EVC2: variants seen among roughly 807,000 people sequenced by gnomAD.
EVC2 encodes limbin.
In EVC2, 148 loss-of-function variants were observed where a neutral mutation model predicts 149.3. The observed-to-expected ratio is 0.99, with a 90% CI of 0.87 to 1.14. The LOEUF is 1.14. EVC2 is among the 50% of genes most tolerant of loss of function. The pLI is 0.00. For synonymous variants in EVC2, 776 were observed against 649.9 expected (o/e 1.19, Z -2.95); for missense variants, 1,854 against 1,627.3 (o/e 1.14, Z -2.40).
chr4:5,694,850 C>CA (rs1721368274), intron 2 of EVC2, among the ~76,000 whole-genome samples: 2 of 152,312 alleles, frequency 1.3e-5, no homozygotes, highest in South Asian at 4.2e-4. Context: ...TCTGCCCCTC[C>CA]AGCTGTGAGT....
intron 10 of EVC2, among the ~76,000 whole-genome samples, chr4:5,634,174 T>C (rs1716741888): frequency 6.6e-6 from 1 of 152,210 alleles, no homozygotes; most frequent in Non-Finnish European, 1.5e-5. Flanking sequence ...GCCCACCAAA[T>C]AACAATTCAG....
intron 16 of EVC2, among the ~76,000 whole-genome samples, chr4:5,593,767 C>T (rs1257526945): frequency 6.6e-6 from 1 of 152,160 alleles, no homozygotes; most frequent in Non-Finnish European, 1.5e-5. Context: ...CAGGGAGAGG[C>T]ATTGCCTCAC....
intron 3 of EVC2, among the ~76,000 whole-genome samples, chr4:5,692,481 G>A (rs182367488): frequency 1.1e-4 from 17 of 152,314 alleles, no homozygotes; most frequent in East Asian, 9.6e-4. Flanking sequence ...CAGGAAGCTC[G>A]AGACTCTCCC....
Position 5,576,905 on chromosome 4 carries a change from C to T in EVC2, c.3058-451G>A, listed in dbSNP as rs1231863646. 1.3e-5 allele frequency among the ~76,000 whole-genome samples: 2 copies of T among 152,212 alleles called. No homozygotes were observed. The highest frequency in any genetic ancestry group is 2.1e-4 in the South Asian group (1 of 4,836). On this transcript the variant is annotated intron_variant, in intron 17 of 21. Coordinates refer to ENST00000344408, the MANE Select transcript of EVC2 (RefSeq NM_147127.5). The surrounding 1 kb of genome is among the most constrained non-coding windows in gnomAD (Gnocchi z 4.5). ...CAGTGTGAGCTCTTTGAGGGCAGGG[C>T]TGTGTCTCCTTCTCCCTGCCTGCAA...
chr4:5,670,965 C>G lies in EVC2; in HGVS notation c.871-5316G>C, dbSNP rs1023911087. On this transcript the variant is annotated intron_variant, in intron 7 of 21. Coordinates refer to ENST00000344408, the MANE Select transcript of EVC2 (RefSeq NM_147127.5). This position sits in a 1 kb window ranked among gnomAD's most constrained non-coding sequence, Gnocchi z 5.2. ...TCACCATCACCATCATCTTCACGCCCACCACCATCAACACCATCATGACAC... is the reference window on the plus strand; with the variant it reads ...TCACCATCACCATCATCTTCACGCCGACCACCATCAACACCATCATGACAC... Among the ~76,000 whole-genome samples, 1 of 152,110 alleles carries G rather than the reference C, an allele frequency of 6.6e-6. No homozygotes were observed. Among genetic ancestry groups the G allele is most frequent in the Non-Finnish European group, 1.5e-5 (1 of 68,024 alleles).
Position 5,648,119 on chromosome 4 carries a change from T to C in EVC2, c.1146-7281A>G, listed in dbSNP as rs56700108. On this transcript the variant is annotated intron_variant, in intron 9 of 21. Coordinates refer to ENST00000344408, the MANE Select transcript of EVC2 (RefSeq NM_147127.5). Reference sequence around the variant, plus strand: ...ATGTGCAAAGATCTAATCAGGTTAATTGGGATAGCCATCACCTTAAATATT... The same window carrying C: ...ATGTGCAAAGATCTAATCAGGTTAACTGGGATAGCCATCACCTTAAATATT... 7.0e-3 allele frequency among the ~76,000 whole-genome samples: 1,064 copies of C among 152,348 alleles called. 6 individuals carry two copies. The highest frequency in any genetic ancestry group is 0.024 in the African/African-American group (1,014 of 41,590).
At chr4:5,602,909 C>T (rs1303465256) in intron 16 of EVC2, among the ~76,000 whole-genome samples, 1 of 152,102 alleles carries the variant, frequency 6.6e-6, no homozygotes, top group African/African-American at 2.4e-5. Flanking sequence ...CACCAAAAGA[C>T]CAAGCTAAAC....
rs575723160 is a variant in EVC2 at position 5,631,957 on chromosome 4, A to T, written c.1546T>A (p.Leu516Met). ...TTGGCAAAGTCTTCTTCTTGTTGCA[A>T]AGCGAGAGACTTCCTCAAGTGCTCC... ...EQEHLRKSLA[L>M]QQEEDFAKAH... The change falls in exon 11 of 22, where the codon TTG (leucine) becomes ATG (methionine). Residue 516 changes from leucine (L) to methionine (M), a missense_variant. By Grantham distance (15) the Leu-to-Met change is conservative. Transcript: ENST00000344408. The T allele has an allele frequency of 1.2e-6, 2 of 1,614,194 alleles. No individual in the cohort carries two copies. The highest frequency in any genetic ancestry group is 2.2e-5 in the East Asian group (1 of 44,878).
intron 1 of EVC2, among the ~76,000 whole-genome samples, chr4:5,702,228 T>C (rs2151744099): frequency 6.6e-6 from 1 of 152,216 alleles, no homozygotes; most frequent in South Asian, 2.1e-4. Flanking sequence ...ATCCTGTCCA[T>C]ATCATGAGTG....
chr4:5,595,126 C>T (rs1713259578), intron 16 of EVC2, among the ~76,000 whole-genome samples: 1 of 152,144 alleles, frequency 6.6e-6, no homozygotes, highest in Non-Finnish European at 1.5e-5. Flanking sequence ...AGAATGGAAA[C>T]AAGTTGGAAA....
intron 7 of EVC2, among the ~76,000 whole-genome samples, chr4:5,668,965 G>C (rs1220850823): frequency 6.6e-6 from 1 of 152,192 alleles, no homozygotes; most frequent in East Asian, 1.9e-4. Flanking sequence ...TAAATCCAAT[G>C]ATCGTGTCTT....
At chr4:5,566,434 C>A (rs1722293236) in intron 20 of EVC2, among the ~76,000 whole-genome samples, 1 of 152,172 alleles carries the variant, frequency 6.6e-6, no homozygotes, top group South Asian at 2.1e-4. Context: ...GCTTCCCTGG[C>A]CCTGCCCTTC....
At chr4:5,566,643 C>G (rs1338610379) in intron 20 of EVC2, among the ~76,000 whole-genome samples, 1 of 152,172 alleles carries the variant, frequency 6.6e-6, no homozygotes, top group East Asian at 1.9e-4. Context: ...CCTGGGACTC[C>G]AGAGTCATCC....
chr4:5,708,761 T>A, upstream of EVC2: 1 of 403,332 alleles, frequency 2.5e-6, no homozygotes. Context: ...CCAAACCGAA[T>A]CAGAGCGGGT....
rs941135909 is a variant in EVC2, at chr4:5,696,993, C to T, written c.283+600G>A. On this transcript the variant is annotated intron_variant, in intron 2 of 21. Coordinates refer to ENST00000344408, the MANE Select transcript of EVC2 (RefSeq NM_147127.5). The surrounding 1 kb of genome is among the most constrained non-coding windows in gnomAD (Gnocchi z 4.1). ...CACAGATGTCCTTATAAGAGGGAGA[C>T]AGAGATTTGACAGACAGAAGAGAAG... Among the ~76,000 whole-genome samples the T allele has an allele frequency of 4.6e-5, 7 of 152,112 alleles. No homozygotes were observed. The highest frequency in any genetic ancestry group is 1.7e-4 in the African/African-American group (7 of 41,408).
chr4:5,604,024 T>C (rs1560157342), intron 16 of EVC2, among the ~76,000 whole-genome samples: 1 of 152,176 alleles, frequency 6.6e-6, no homozygotes, highest in Non-Finnish European at 1.5e-5. Flanking sequence ...ATGTACCAGC[T>C]TTGTGACCTT....
At chr4:5,559,370 C>A (rs1043929632), downstream of EVC2, among the ~76,000 whole-genome samples, 10 of 152,078 alleles carry the variant, frequency 6.6e-5, no homozygotes, top group Non-Finnish European at 1.5e-4. This position sits in a 1 kb window ranked among gnomAD's most constrained non-coding sequence, Gnocchi z 5.0. Context: ...TTAGTATGTA[C>A]ATGTATATTT....
chr4:5,695,859 A>T (rs1295942406), intron 2 of EVC2, among the ~76,000 whole-genome samples: 1 of 152,198 alleles, frequency 6.6e-6, no homozygotes, highest in Non-Finnish European at 1.5e-5. Flanking sequence ...AGAATTTCAA[A>T]ATATATGCAG....
At position 5,657,128 on chromosome 4, in the gene EVC2, C is replaced by A. The variant is rs114676405; in HGVS notation, c.1145+5979G>T. On this transcript the variant is annotated intron_variant, in intron 9 of 21. Transcript: ENST00000344408. The surrounding 1 kb of genome is among the most constrained non-coding windows in gnomAD (Gnocchi z 4.7). Reference sequence around the variant, plus strand: ...TGCAGGGGAAGGCACCTCGTCCAGGCAGGGAGGCCCACCAGCCTCACACGG... The same window carrying A: ...TGCAGGGGAAGGCACCTCGTCCAGGAAGGGAGGCCCACCAGCCTCACACGG... Among the ~76,000 whole-genome samples, 1,022 of 152,264 alleles carry A rather than the reference C, an allele frequency of 6.7e-3. 18 individuals are homozygous for A. Among genetic ancestry groups the A allele is most frequent in the African/African-American group, 0.023 (967 of 41,562 alleles).
Sources: allele counts gnomAD v4.1 joint callset (sites outside exome capture counted in the v4.1 genomes callset), GRCh38; gene constraint gnomAD v4.1.1; non-coding constraint Gnocchi (gnomAD v3.1); transcripts MANE v1.5; gene names NCBI Gene and HGNC (gene_info 2026-07-23, HGNC 2026-07-21).